Variants in CFAP299 observed in about 807,000 individuals in gnomAD.
The protein encoded by CFAP299 is cilia and flagella associated protein 299.
CFAP299 carries 21 observed loss-of-function variants against 27.0 expected under a neutral mutation model. The ratio of observed to expected loss-of-function variants is 0.78; its 90% CI spans 0.55 to 1.12. The LOEUF is 1.12. CFAP299 is among the 50% of genes most tolerant of loss of function. The pLI is 0.00. For synonymous variants in CFAP299, 104 were observed against 98.1 expected, an observed-to-expected ratio of 1.06 and a Z score of -0.36; for missense variants, 310 against 276.6, an observed-to-expected ratio of 1.12 and a Z score of -0.86.
chr4:80,450,264 C>T (rs933355776), intron 2 of CFAP299, among the ~76,000 whole-genome samples: 5 of 152,118 alleles, frequency 3.3e-5, no homozygotes, highest in African/African-American at 1.2e-4. Flanking sequence ...TTGAAAAGTT[C>T]TCCCTTTCAA....
intron 2 of CFAP299, among the ~76,000 whole-genome samples, chr4:80,395,989 C>G (rs1725764648): frequency 6.6e-6 from 1 of 152,098 alleles, no homozygotes; most frequent in Non-Finnish European, 1.5e-5. Context: ...TCTCTCCTTT[C>G]TTTTACTCTT....
intron 2 of CFAP299, among the ~76,000 whole-genome samples, chr4:80,504,462 C>CATATATATATATGTAT (rs1731899156): frequency 7.9e-5 from 3 of 37,760 alleles, no homozygotes; most frequent in African/African-American, 2.6e-4. Context: ...TAAAATCTCA[C>CATATATATATATGTAT]ATATATATAT....
intron 2 of CFAP299, among the ~76,000 whole-genome samples, chr4:80,374,787 T>C (rs1231575089): frequency 6.6e-6 from 1 of 152,142 alleles, no homozygotes; most frequent in East Asian, 1.9e-4. Flanking sequence ...TCTGTGCCTC[T>C]TGAGACTTTG....
intron 4 of CFAP299, among the ~76,000 whole-genome samples, chr4:80,876,179 T>C (rs1733366131): frequency 6.7e-6 from 1 of 149,762 alleles, no homozygotes; most frequent in Non-Finnish European, 1.5e-5. Context: ...ATATATAATA[T>C]TTCATTTTCT....
At chr4:80,411,971 G>A (rs1225599201) in intron 2 of CFAP299, among the ~76,000 whole-genome samples, 1 of 151,990 alleles carries the variant, frequency 6.6e-6, no homozygotes. Context: ...TGAAAGCTTT[G>A]CATGTGTTGT....
intron 2 of CFAP299, among the ~76,000 whole-genome samples, chr4:80,582,439 T>G (rs187184201): frequency 1.3e-4 from 20 of 151,940 alleles, no homozygotes; most frequent in Non-Finnish European, 2.4e-4. Flanking sequence ...AAAAAGTTTG[T>G]GGAATATGTA....
chr4:80,723,290 A>G (rs942229949), intron 3 of CFAP299, among the ~76,000 whole-genome samples: 2 of 152,238 alleles, frequency 1.3e-5, no homozygotes, highest in Non-Finnish European at 2.9e-5. Context: ...AATGATTTGT[A>G]CATAAATGGT....
At chr4:80,672,189 G>A (rs955960943) in intron 3 of CFAP299, among the ~76,000 whole-genome samples, 1 of 152,080 alleles carries the variant, frequency 6.6e-6, no homozygotes, top group Non-Finnish European at 1.5e-5. Context: ...TCAATACCTA[G>A]TTTATTAAGA....
At chr4:80,569,027 T>TAGCC (rs1735450279) in intron 2 of CFAP299, among the ~76,000 whole-genome samples, 1 of 152,110 alleles carries the variant, frequency 6.6e-6, no homozygotes, top group Admixed American at 6.6e-5. Flanking sequence ...GCCTATCAGG[T>TAGCC]AGCCAGCCAG....
At chr4:80,486,970 T>A (rs1396673017) in intron 2 of CFAP299, among the ~76,000 whole-genome samples, 1 of 152,218 alleles carries the variant, frequency 6.6e-6, no homozygotes, top group East Asian at 1.9e-4. Context: ...GGGAGAAGAC[T>A]TTTTGTGCTA....
At chr4:80,386,708 C>T in intron 2 of CFAP299, 3 of 1,575,584 alleles carry the variant, frequency 1.9e-6, no homozygotes, top group Non-Finnish European at 2.6e-6. Context: ...GCACAGGGCG[C>T]ATTTGTGGAG....
At chr4:80,579,306 C>T (rs549414737) in intron 2 of CFAP299, among the ~76,000 whole-genome samples, 1 of 152,304 alleles carries the variant, frequency 6.6e-6, no homozygotes, top group South Asian at 2.1e-4. Flanking sequence ...AAATCATTTT[C>T]ACTTGGCTCT....
chr4:80,388,675 G>A, intron 2 of CFAP299: 2 of 1,041,892 alleles, frequency 1.9e-6, no homozygotes, highest in Admixed American at 1.7e-5. Context: ...GAATGGTCTG[G>A]TTGTCCATTC....
intron 4 of CFAP299, chr4:80,872,804 G>C (rs970361866): frequency 5.7e-6 from 4 of 701,534 alleles, no homozygotes; most frequent in Non-Finnish European, 7.0e-6. Context: ...TATTTCAAGT[G>C]AGCTATTCTT....
rs1178861350 is a variant in CFAP299 at position 80,492,598 on chromosome 4, T to C, written c.243-90495T>C. Among the ~76,000 whole-genome samples the C allele has an allele frequency of 2.0e-5, 3 of 152,218 alleles. No homozygotes were observed. In the East Asian group the frequency reaches 5.8e-4, roughly 29 times the overall value. ...TGGTATAGTATGATACATAATTATT[T>C]AATAACACTAGAATTTTCAAGACAC... On this transcript the variant is annotated intron_variant, in intron 2 of 5. Transcript: ENST00000358105.
At chr4:80,921,113 G>A (rs1736020494) in intron 4 of CFAP299, among the ~76,000 whole-genome samples, 1 of 151,936 alleles carries the variant, frequency 6.6e-6, no homozygotes, top group African/African-American at 2.4e-5. Flanking sequence ...CAATAGGTTT[G>A]GGGAGAACAG....
intron 3 of CFAP299, among the ~76,000 whole-genome samples, chr4:80,849,656 A>T (rs1731398800): frequency 6.6e-6 from 1 of 152,052 alleles, no homozygotes; most frequent in Non-Finnish European, 1.5e-5. Context: ...CTATATGTGG[A>T]ATCTAAAAAA....
chr4:80,781,976 T>C (rs1726905258), intron 3 of CFAP299, among the ~76,000 whole-genome samples: 1 of 148,404 alleles, frequency 6.7e-6, no homozygotes, highest in Admixed American at 6.6e-5. Flanking sequence ...CTTTGTGAAA[T>C]GTGATAATAA....
intron 3 of CFAP299, among the ~76,000 whole-genome samples, chr4:80,623,943 C>G (rs551965418): frequency 1.3e-5 from 2 of 152,138 alleles, no homozygotes; most frequent in Non-Finnish European, 2.9e-5. Context: ...AGGCTTCAGG[C>G]AGCAACCCAG....
Sources: allele counts gnomAD v4.1 joint callset (sites outside exome capture counted in the v4.1 genomes callset), GRCh38; gene constraint gnomAD v4.1.1; transcripts MANE v1.5; gene names NCBI Gene and HGNC (gene_info 2026-07-23, HGNC 2026-07-21).